The following SOD2 variants were observed in gnomAD, a reference collection of about 807,000 sequenced individuals.
The protein encoded by SOD2 is superoxide dismutase [Mn], mitochondrial.
A neutral mutation model predicts 27.0 loss-of-function variants in SOD2; 11 were observed. The observed-to-expected ratio is 0.41, with a 90% confidence interval of 0.26 to 0.67. SOD2 has a LOEUF of 0.67. Ranked by LOEUF, SOD2 falls within the 30% of genes least tolerant of loss-of-function variation. The pLI is 0.34. For synonymous variants in SOD2, 105 were observed against 103.0 expected, an observed-to-expected ratio of 1.02 and a Z score of -0.12; for missense variants, 250 against 274.5, an observed-to-expected ratio of 0.91 and a Z score of 0.63.
At chr6:159,727,514 G>A, upstream of SOD2, 1 of 992,936 alleles carries the variant, frequency 1.0e-6, no homozygotes, top group Non-Finnish European at 1.2e-6. Context: ...TCCTCCCTCA[G>A]CGCCATTTTG....
upstream of SOD2, among the ~76,000 whole-genome samples, chr6:159,695,792 C>T (rs1255842557): frequency 1.3e-5 from 2 of 152,176 alleles, no homozygotes; most frequent in African/African-American, 4.8e-5. Flanking sequence ...AGCCACCACA[C>T]CTGGCTGCCT....
In SOD2 at chr6:159,753,451, C is replaced by G. The variant is rs571993364; in HGVS notation, c.-335-4775G>C. The G allele has an allele frequency of 2.0e-5, 33 of 1,614,144 alleles. No individual in the cohort carries two copies. In the African/African-American group the frequency reaches 3.6e-4, roughly 18 times the overall value. ...TTCATTTTGTGATGGATGGCTCTTT[C>G]CTTTGCAGCCAAACAGGGAAAAAGT... On this transcript the variant is annotated intron_variant, in intron 1 of 7. Transcript: ENST00000546087.
Position 159,672,456 on chromosome 6 carries a change from G to T in SOD2, c.*10037C>A, listed in dbSNP as rs1419497134. Reference sequence around the variant, plus strand: ...CAATATTCAACGTTCTTGAAGAAAAGAATTTTCAACCCAGAATTTCATATC... The same window carrying T: ...CAATATTCAACGTTCTTGAAGAAAATAATTTTCAACCCAGAATTTCATATC... On this transcript the variant is annotated 3_prime_UTR_variant, in exon 5 of 5. Transcript: ENST00000538183. 1.3e-5 allele frequency: 2 copies of T among 152,160 alleles called. No homozygotes were observed. The highest frequency in any genetic ancestry group is 2.9e-5 in the Non-Finnish European group (2 of 68,028). 9.4% of individuals were successfully genotyped at this position (152,160 alleles called of 1,614,324 possible). A position where few individuals can be genotyped will look rare whatever the true frequency, so the allele number is the denominator to read the frequency against.
intron 1 of SOD2, among the ~76,000 whole-genome samples, chr6:159,707,107 A>G (rs1777641951): frequency 6.6e-6 from 1 of 152,210 alleles, no homozygotes; most frequent in South Asian, 2.1e-4. Context: ...TCTCTGGGAC[A>G]CATTTAAAGC....
In SOD2 at chr6:159,714,028, C is replaced by G. The variant is rs1017836683; in HGVS notation, c.-116+13101G>C. On this transcript the variant is annotated intron_variant, in intron 1 of 2. Transcript: ENST00000401980. ...TCTTGGTGGCAAGTTTGGCGGAATG[C>G]AATTTTGGTGTAGTGGGCAATTATC... 8 of 692,664 alleles carry G rather than the reference C, an allele frequency of 1.2e-5. No individual in the cohort carries two copies. In the Admixed American group the frequency reaches 1.9e-4, roughly 16 times the overall value. The allele number at this position is 692,664 out of a possible 1,614,324, so 42.9% of individuals were successfully genotyped here. A position where few individuals can be genotyped will look rare whatever the true frequency, so the allele number is the denominator to read the frequency against.
At chr6:159,741,489 T>A (rs1048169232) in intron 1 of SOD2, 1 of 152,306 alleles carries the variant, frequency 6.6e-6, no homozygotes, top group Middle Eastern at 3.4e-3. Context: ...GGACAACATA[T>A]GAAAGCAGCA....
At chr6:159,712,753 A>G (rs1777851384) in intron 1 of SOD2, 1 of 475,430 alleles carries the variant, frequency 2.1e-6, no homozygotes, top group Non-Finnish European at 4.2e-6. Context: ...GACCACCATA[A>G]CCACCTCCAC....
chr6:159,680,037 G>C lies in SOD2; in HGVS notation c.*2456C>G, dbSNP rs2114756541. ...CCAGAAGACAAGAAAGACAAACTTA[G>C]TGAAGGAAAGAATGCTTCCTCACTC... On this transcript the variant is annotated 3_prime_UTR_variant, in exon 5 of 5. Coordinates refer to ENST00000538183, the MANE Select transcript of SOD2 (RefSeq NM_000636.4). The C allele has an allele frequency of 6.6e-6, 1 of 152,276 alleles. No homozygotes were observed. Among genetic ancestry groups the C allele is most frequent in the Non-Finnish European group, 1.5e-5 (1 of 68,016 alleles). 9.4% of individuals were successfully genotyped at this position (152,276 alleles called of 1,614,324 possible).
upstream of SOD2, chr6:159,748,401 C>T: frequency 6.2e-7 from 1 of 1,608,740 alleles, no homozygotes; most frequent in Non-Finnish European, 8.5e-7. The surrounding 1 kb of genome is among the most constrained non-coding windows in gnomAD (Gnocchi z 5.6). Context: ...GTCAAGACTT[C>T]CCTGACAGTC....
chr6:159,680,075 G>A lies in SOD2; in HGVS notation c.*2418C>T, dbSNP rs1217126841. 6.6e-6 allele frequency: 1 copy of A among 152,104 alleles called. No individual in the cohort carries two copies. Among genetic ancestry groups the A allele is most frequent in the African/African-American group, 2.4e-5 (1 of 41,438 alleles). The allele number at this position is 152,104 out of a possible 1,614,324, so 9.4% of individuals were successfully genotyped here. A position where few individuals can be genotyped will look rare whatever the true frequency, so the allele number is the denominator to read the frequency against. ...TGCTTCCTCACTCTCTCACCAGAAA[G>A]CCAAAGCAAAAATAGAGCCCCACAG... On this transcript the variant is annotated 3_prime_UTR_variant, in exon 5 of 5. Transcript: ENST00000538183.
chr6:159,759,437 C>A (rs1285788874), intron 1 of SOD2, among the ~76,000 whole-genome samples: 2 of 150,436 alleles, frequency 1.3e-5, no homozygotes, highest in African/African-American at 2.4e-5. Flanking sequence ...TTTGGGAGGC[C>A]GAGGTGGGCG....
upstream of SOD2, among the ~76,000 whole-genome samples, chr6:159,695,382 G>C (rs1199484199): frequency 1.3e-5 from 2 of 152,176 alleles, no homozygotes; most frequent in African/African-American, 4.8e-5. Context: ...TCAGGTAGAA[G>C]AATCTCCAAC....
At chr6:159,746,606 C>T (rs1042878453), upstream of SOD2, among the ~76,000 whole-genome samples, 5 of 152,076 alleles carry the variant, frequency 3.3e-5, no homozygotes, top group Admixed American at 1.3e-4. Context: ...TAGTTTTGAG[C>T]GTAAGGCATA....
chr6:159,699,568 AAAAC>A (rs1562431355), intron 1 of SOD2, among the ~76,000 whole-genome samples: 1 of 152,172 alleles, frequency 6.6e-6, no homozygotes, highest in East Asian at 1.9e-4. Flanking sequence ...GAGAAAAAAA[AAAAC>A]AAACATGGTC....
At chr6:159,706,269 A>C (rs1436017641) in intron 1 of SOD2, among the ~76,000 whole-genome samples, 2 of 152,212 alleles carry the variant, frequency 1.3e-5, no homozygotes, top group Non-Finnish European at 2.9e-5. Context: ...ACATAATAAT[A>C]TTAACCTTAA....
At chr6:159,719,511 A>G (rs1309600873) in intron 1 of SOD2, among the ~76,000 whole-genome samples, 2 of 151,630 alleles carry the variant, frequency 1.3e-5, no homozygotes, top group Non-Finnish European at 2.9e-5. Context: ...TTGTGGTCGC[A>G]GCTACTGGAG....
intron 1 of SOD2, among the ~76,000 whole-genome samples, chr6:159,711,590 C>T (rs62437330): frequency 0.035 from 2,807 of 79,362 alleles, 5 homozygotes; most frequent in African/African-American, 0.048. Flanking sequence ...ACTGCTCTGA[C>T]CACCATAACC....
At chr6:159,699,451 T>C (rs1777487113) in intron 1 of SOD2, among the ~76,000 whole-genome samples, 2 of 152,102 alleles carry the variant, frequency 1.3e-5, no homozygotes. Flanking sequence ...TTGTCCCATA[T>C]TGAGAGTCCG....
At chr6:159,732,778 C>T (rs377332791) in intron 1 of SOD2, among the ~76,000 whole-genome samples, 158 of 152,080 alleles carry the variant, frequency 1.0e-3, no homozygotes, top group African/African-American at 2.6e-3. Context: ...GAGCCGAGAT[C>T]GCGCCATTGC....
Sources: gnomAD v4.1 joint callset for allele counts (sites outside exome capture counted in the v4.1 genomes callset) on GRCh38, gnomAD v4.1.1 for gene constraint, Gnocchi (gnomAD v3.1) non-coding constraint, MANE v1.5 for transcripts, NCBI Gene and HGNC (gene_info 2026-07-23, HGNC 2026-07-21) for gene names.